Variants in FNIP1 observed in about 807,000 individuals in gnomAD.
The protein encoded by FNIP1 is folliculin-interacting protein 1.
FNIP1 carries 40 observed loss-of-function variants against 124.5 expected under a neutral mutation model. That is an observed-to-expected ratio of 0.32 (90% CI 0.25 to 0.42). The LOEUF (loss-of-function observed/expected upper bound fraction) is 0.42. Among genes scored for constraint, FNIP1 ranks in the 10% least tolerant of loss-of-function variants. The pLI is 1.00. For missense variants in FNIP1, 1,176 were observed against 1,403.7 expected, an observed-to-expected ratio of 0.84 and a Z score of 2.59; for synonymous variants, 472 against 470.6, an observed-to-expected ratio of 1.00 and a Z score of -0.04.
intron 1 of FNIP1, among the ~76,000 whole-genome samples, chr5:131,790,094 T>C (rs1010742045): frequency 1.3e-5 from 2 of 152,222 alleles, no homozygotes; most frequent in Admixed American, 1.3e-4. Context: ...CATTTATTCA[T>C]TCTACAAATA....
At chr5:131,678,840 C>G (rs1270175229) in intron 12 of FNIP1, among the ~76,000 whole-genome samples, 189 bp downstream of exon 12, 1 of 152,202 alleles carries the variant, frequency 6.6e-6, no homozygotes, top group Non-Finnish European at 1.5e-5. Context: ...CAGACATTTT[C>G]ACTGCTTTTC....
intron 1 of FNIP1, among the ~76,000 whole-genome samples, chr5:131,766,087 T>G (rs765812594): frequency 2.0e-5 from 3 of 152,070 alleles, no homozygotes; most frequent in Non-Finnish European, 2.9e-5. Context: ...TTTCCTCTAT[T>G]CTATAGTGTT....
At chr5:131,718,920 T>C (rs1769559293) in intron 5 of FNIP1, 66 bp downstream of exon 5, 2 of 1,325,308 alleles carry the variant, frequency 1.5e-6, no homozygotes, top group Non-Finnish European at 2.2e-6. Flanking sequence ...CTAAAAGCAG[T>C]TGGTTAGTTT....
At chr5:131,741,062 G>A (rs1770496551) in intron 2 of FNIP1, among the ~76,000 whole-genome samples, 1 of 152,110 alleles carries the variant, frequency 6.6e-6, no homozygotes, top group African/African-American at 2.4e-5. Flanking sequence ...ACAATCAGCA[G>A]GCCTCGGGGC....
chr5:131,736,752 C>A (rs1023720583), intron 2 of FNIP1, among the ~76,000 whole-genome samples: 8 of 152,132 alleles, frequency 5.3e-5, no homozygotes, highest in African/African-American at 1.4e-4. Flanking sequence ...TGACAACTTG[C>A]CAAGTTTTAA....
chr5:131,760,350 CAA>C (rs1311125388), intron 1 of FNIP1, among the ~76,000 whole-genome samples: 2 of 152,160 alleles, frequency 1.3e-5, no homozygotes, highest in Admixed American at 6.5e-5. Context: ...GTTTGTATCT[CAA>C]TACATTAAAA....
intron 1 of FNIP1, among the ~76,000 whole-genome samples, chr5:131,775,503 A>C (rs186523852): frequency 3.4e-5 from 5 of 148,190 alleles, no homozygotes; most frequent in African/African-American, 1.2e-4. Flanking sequence ...TATAAATATA[A>C]ATATATATAT....
intron 2 of FNIP1, among the ~76,000 whole-genome samples, chr5:131,732,523 G>A (rs1159557093): frequency 6.6e-6 from 1 of 152,190 alleles, no homozygotes; most frequent in Admixed American, 6.5e-5. Flanking sequence ...GTAAGGAAGG[G>A]ATCCAGTTTC....
chr5:131,780,857 TC>T lies in FNIP1; in HGVS notation c.92+15972del, dbSNP rs1771973562. 2.0e-5 allele frequency among the ~76,000 whole-genome samples: 3 copies of T among 152,180 alleles called. No homozygotes were observed. The South Asian group carries it at 6.2e-4, about 32-fold the overall frequency. On this transcript the variant is annotated intron_variant, in intron 1 of 17. Coordinates refer to ENST00000510461, the MANE Select transcript of FNIP1 (RefSeq NM_133372.3). ...TAACCCCACAATGGCCTCTAAGTGT[TC>T]CAGTGAAAGAAAGAGTTGCACATCT... is the stretch of plus-strand genomic sequence containing the variant.
intron 11 of FNIP1, among the ~76,000 whole-genome samples, chr5:131,681,613 A>G (rs565792589): frequency 2.0e-5 from 3 of 152,252 alleles, no homozygotes; most frequent in African/African-American, 7.2e-5. Context: ...TCTAATTTTC[A>G]AAGAAAAGGA....
intron 13 of FNIP1, 127 bp from the exon 14 acceptor site, chr5:131,673,051 G>GT (rs368626411): frequency 0.16 from 72,548 of 466,720 alleles, 57 homozygotes; most frequent in East Asian, 0.19. Flanking sequence ...TCGTTTTTTT[G>GT]TTTTTTTTTT....
At chr5:131,752,512 T>C (rs906335838) in intron 1 of FNIP1, among the ~76,000 whole-genome samples, 7 of 146,066 alleles carry the variant, frequency 4.8e-5, no homozygotes, top group South Asian at 2.2e-4. Flanking sequence ...AAGTTGGACT[T>C]TATAAAAATT....
At chr5:131,747,818 A>T (rs1013068102) in intron 1 of FNIP1, among the ~76,000 whole-genome samples, 1 of 152,192 alleles carries the variant, frequency 6.6e-6, no homozygotes, top group African/African-American at 2.4e-5. Context: ...TCTGCTATTT[A>T]AAAAATGACA....
At chr5:131,665,417 A>C (rs1291024617) in intron 15 of FNIP1, among the ~76,000 whole-genome samples, 1 of 151,972 alleles carries the variant, frequency 6.6e-6, no homozygotes, top group Non-Finnish European at 1.5e-5. Context: ...GAGAAAAAGA[A>C]AAGACACTCT....
chr5:131,765,125 G>C (rs1771375786), intron 1 of FNIP1, among the ~76,000 whole-genome samples: 1 of 152,094 alleles, frequency 6.6e-6, no homozygotes, highest in Non-Finnish European at 1.5e-5. Flanking sequence ...GGGAGGCTGA[G>C]GTAAGATGAT....
intron 15 of FNIP1, among the ~76,000 whole-genome samples, chr5:131,656,521 T>A (rs1767196482): frequency 1.3e-5 from 2 of 152,250 alleles, no homozygotes; most frequent in East Asian, 3.9e-4. Flanking sequence ...TTAGATGAAG[T>A]CATTATATGA....
At chr5:131,649,088 G>A (rs1039645783) in intron 16 of FNIP1, among the ~76,000 whole-genome samples, 2 of 152,082 alleles carry the variant, frequency 1.3e-5, no homozygotes, top group South Asian at 4.1e-4. Flanking sequence ...TATTTCTAAC[G>A]TTTGGCGATT....
chr5:131,662,732 GATT>G (rs780807633), intron 15 of FNIP1, among the ~76,000 whole-genome samples: 1 of 117,438 alleles, frequency 8.5e-6, no homozygotes. Flanking sequence ...AGATATTCTA[GATT>G]TTTTTTTTTT....
At chr5:131,707,704 C>T (rs1408201283) in intron 8 of FNIP1, among the ~76,000 whole-genome samples, 3 of 151,972 alleles carry the variant, frequency 2.0e-5, no homozygotes, top group South Asian at 2.1e-4. Flanking sequence ...AAATAAAATG[C>T]TGTCCTAAGT....
Sources: gnomAD v4.1 joint callset for allele counts (sites outside exome capture counted in the v4.1 genomes callset) on GRCh38, gnomAD v4.1.1 for gene constraint, MANE v1.5 for transcripts, NCBI Gene and HGNC (gene_info 2026-07-23, HGNC 2026-07-21) for gene names.